The following SERGEF variants were observed in gnomAD, a reference collection of about 807,000 sequenced individuals.
SERGEF encodes secretion-regulating guanine nucleotide exchange factor.
Under a neutral mutation model 50.0 loss-of-function variants are expected in SERGEF, and 51 were observed. That is an observed-to-expected ratio of 1.02 (90% CI 0.81 to 1.29). The LOEUF (loss-of-function observed/expected upper bound fraction) is 1.29. Among genes scored for constraint, SERGEF ranks in the 50% most tolerant of loss-of-function variants. The probability of loss-of-function intolerance (pLI) is 0.00; values close to 1 mark genes in which losing one functional copy is unlikely to be tolerated. For missense variants in SERGEF, 521 were observed against 557.0 expected, an observed-to-expected ratio of 0.94 and a Z score of 0.65; for synonymous variants, 205 against 212.4, an observed-to-expected ratio of 0.97 and a Z score of 0.30.
intron 8 of SERGEF, among the ~76,000 whole-genome samples, chr11:17,985,586 C>A (rs1360572871): frequency 6.6e-6 from 1 of 152,198 alleles, no homozygotes. Context: ...TTCTAGAATG[C>A]AGCACCATGA....
intron 10 of SERGEF, among the ~76,000 whole-genome samples, chr11:17,805,736 G>A (rs961254841): frequency 6.6e-6 from 1 of 152,140 alleles, no homozygotes; most frequent in Admixed American, 6.5e-5. Flanking sequence ...CAAAAGATGG[G>A]TGCGATCCCC....
At chr11:17,868,653 G>A (rs991046418) in intron 10 of SERGEF, among the ~76,000 whole-genome samples, 5 of 152,088 alleles carry the variant, frequency 3.3e-5, no homozygotes, top group African/African-American at 1.2e-4. Flanking sequence ...TTTTCATGCT[G>A]CTAATAAAGA....
At chr11:17,821,510 A>AT (rs1435502024) in intron 10 of SERGEF, among the ~76,000 whole-genome samples, 2 of 152,128 alleles carry the variant, frequency 1.3e-5, no homozygotes, top group African/African-American at 4.8e-5. Flanking sequence ...TGCTCCATAC[A>AT]TTTTTTTAAA....
chr11:17,841,652 C>G (rs1276482130), intron 10 of SERGEF, among the ~76,000 whole-genome samples: 1 of 152,154 alleles, frequency 6.6e-6, no homozygotes, highest in Non-Finnish European at 1.5e-5. Context: ...TAATGCCCTC[C>G]CCATGAGTAA....
intron 8 of SERGEF, among the ~76,000 whole-genome samples, chr11:17,981,262 C>T (rs997298674): frequency 6.6e-6 from 1 of 152,216 alleles, no homozygotes; most frequent in African/African-American, 2.4e-5. Context: ...GTACTATATG[C>T]ATATAGATAA....
At chr11:18,005,092 C>A (rs952036490) in intron 3 of SERGEF, among the ~76,000 whole-genome samples, 4 of 152,212 alleles carry the variant, frequency 2.6e-5, no homozygotes, top group African/African-American at 9.6e-5. Flanking sequence ...ATAATTAATA[C>A]TGTCCTCCAA....
intron 9 of SERGEF, among the ~76,000 whole-genome samples, chr11:17,916,182 G>A (rs981757678): frequency 1.3e-5 from 2 of 152,118 alleles, no homozygotes; most frequent in East Asian, 3.9e-4. Flanking sequence ...GTTGGCATGG[G>A]CTTCCCTGGC....
At chr11:17,795,378 G>A (rs1849555911) in intron 10 of SERGEF, among the ~76,000 whole-genome samples, 1 of 152,148 alleles carries the variant, frequency 6.6e-6, no homozygotes, top group Non-Finnish European at 1.5e-5. Flanking sequence ...GGGTCTAGAT[G>A]GCAACAGCAG....
intron 9 of SERGEF, among the ~76,000 whole-genome samples, chr11:17,929,117 T>G (rs1206487839): frequency 6.6e-6 from 1 of 152,210 alleles, no homozygotes; most frequent in African/African-American, 2.4e-5. Flanking sequence ...TAAAATCACT[T>G]AAGTAAGGCA....
At chr11:17,803,998 G>A (rs973509549) in intron 10 of SERGEF, among the ~76,000 whole-genome samples, 4 of 152,196 alleles carry the variant, frequency 2.6e-5, no homozygotes, top group African/African-American at 9.7e-5. Context: ...GGTACCGGGG[G>A]AAGGGCAGTG....
At chr11:17,864,260 T>A (rs1214092034) in intron 10 of SERGEF, among the ~76,000 whole-genome samples, 1 of 152,234 alleles carries the variant, frequency 6.6e-6, no homozygotes, top group Non-Finnish European at 1.5e-5. Context: ...GTGGTCAACC[T>A]TGTGCCTAAA....
At chr11:18,010,948 G>T (rs1221145912) in intron 1 of SERGEF, among the ~76,000 whole-genome samples, 1 of 152,108 alleles carries the variant, frequency 6.6e-6, no homozygotes, top group East Asian at 1.9e-4. Context: ...TGAACACCTG[G>T]GAGAAAAGTA....
chr11:17,895,438 G>C (rs1477296548), intron 9 of SERGEF, among the ~76,000 whole-genome samples: 1 of 152,106 alleles, frequency 6.6e-6, no homozygotes, highest in African/African-American at 2.4e-5. Flanking sequence ...TCTCTTCCTA[G>C]GCACAGCCCG....
intron 6 of SERGEF, among the ~76,000 whole-genome samples, 157 bp from the exon 7 acceptor site, chr11:17,993,150 T>C (rs535614820): frequency 2.6e-5 from 4 of 152,258 alleles, no homozygotes; most frequent in African/African-American, 9.6e-5. Flanking sequence ...GCTGGCATTG[T>C]AGGGAGCCTG....
chr11:17,969,402 A>G (rs1383830385), intron 8 of SERGEF, among the ~76,000 whole-genome samples: 1 of 152,244 alleles, frequency 6.6e-6, no homozygotes, highest in Non-Finnish European at 1.5e-5. Flanking sequence ...TCTTAGCTGC[A>G]TAATTAAAAA....
chr11:17,803,500 C>T (rs1453278586), intron 10 of SERGEF, among the ~76,000 whole-genome samples: 1 of 152,200 alleles, frequency 6.6e-6, no homozygotes, highest in Non-Finnish European at 1.5e-5. Context: ...GCCTCTGTCA[C>T]CTACTGTATA....
chr11:17,827,805 C>A (rs564637118), intron 10 of SERGEF, among the ~76,000 whole-genome samples: 67 of 152,278 alleles, frequency 4.4e-4, no homozygotes, highest in Middle Eastern at 3.4e-3. Flanking sequence ...ATCAGAGACT[C>A]CTAGACACTG....
At chr11:17,977,720 C>T (rs542994389) in intron 8 of SERGEF, among the ~76,000 whole-genome samples, 1 of 152,178 alleles carries the variant, frequency 6.6e-6, no homozygotes, top group East Asian at 1.9e-4. Flanking sequence ...AAGGTAGGGC[C>T]CTCATGAATG....
At chr11:18,011,458 C>T in intron 1 of SERGEF, among the ~76,000 whole-genome samples, 1 of 152,186 alleles carries the variant, frequency 6.6e-6, no homozygotes, top group Non-Finnish European at 1.5e-5. Flanking sequence ...CAGAGAGAGG[C>T]CTCGGGAGAA....
Sources: gnomAD v4.1 joint callset for allele counts (sites outside exome capture counted in the v4.1 genomes callset) on GRCh38, gnomAD v4.1.1 for gene constraint, MANE v1.5 for transcripts, NCBI Gene and HGNC (gene_info 2026-07-23, HGNC 2026-07-21) for gene names.